NCK1: variants seen among roughly 807,000 people sequenced by gnomAD.
The protein encoded by NCK1 is SH2/SH3 adapter protein NCK1.
Under a neutral mutation model 36.6 loss-of-function variants are expected in NCK1, and 19 were observed. The observed-to-expected ratio is 0.52, with a 90% CI of 0.36 to 0.76. The LOEUF is 0.76. NCK1 is among the 30% of genes least tolerant of loss of function. NCK1 has a pLI of 0.00. For synonymous variants in NCK1, 165 were observed against 156.0 expected, an observed-to-expected ratio of 1.06 and a Z score of -0.43; for missense variants, 358 against 445.6, an observed-to-expected ratio of 0.80 and a Z score of 1.77.
At chr3:136,864,259 G>C (rs564166878) in intron 1 of NCK1, among the ~76,000 whole-genome samples, 1 of 150,754 alleles carries the variant, frequency 6.6e-6, no homozygotes, top group Non-Finnish European at 1.5e-5. Flanking sequence ...TTGGGAGGCC[G>C]AGGCAGGCGG....
intron 2 of NCK1, among the ~76,000 whole-genome samples, chr3:136,937,952 AG>A (rs35336033): frequency 0.69 from 104,408 of 151,964 alleles, 36,110 homozygotes; most frequent in East Asian, 0.87. Flanking sequence ...AAGTGGTGGA[AG>A]GAGAGCATCC....
At position 136,863,416 on chromosome 3, in the gene NCK1, A is replaced by G. The variant is rs1225348370; in HGVS notation, c.-19+1063A>G. ...ACACAGTAAACGGAGAAATAACCTA[A>G]GAAGAAAGTTTTGTTTGGTAATTGT... On this transcript the variant is annotated intron_variant, in intron 1 of 3. Transcript: ENST00000481752. Among the ~76,000 whole-genome samples the G allele has an allele frequency of 3.3e-5, 5 of 152,320 alleles. No homozygotes were observed. In the East Asian group the frequency reaches 9.6e-4, roughly 29 times the overall value.
chr3:136,910,257 C>A (rs1172050554), intron 1 of NCK1, among the ~76,000 whole-genome samples: 1 of 152,128 alleles, frequency 6.6e-6, no homozygotes, highest in Non-Finnish European at 1.5e-5. Context: ...TTACATTTAA[C>A]ATTCTGAAGA....
intron 2 of NCK1, chr3:136,930,450 A>C: frequency 8.0e-7 from 1 of 1,249,448 alleles, no homozygotes; most frequent in Admixed American, 4.1e-5. Context: ...GGGCCAGGTC[A>C]CATGGATTGG....
intron 1 of NCK1, among the ~76,000 whole-genome samples, chr3:136,878,854 C>T (rs1309013792): frequency 6.6e-6 from 1 of 152,066 alleles, no homozygotes; most frequent in Non-Finnish European, 1.5e-5. Flanking sequence ...GTCAAGCGTT[C>T]TACAGAAAAC....
chr3:136,941,499 G>T (rs1940676186), intron 2 of NCK1, among the ~76,000 whole-genome samples: 2 of 151,522 alleles, frequency 1.3e-5, no homozygotes, highest in Admixed American at 6.6e-5. Flanking sequence ...TTCCTTAGTG[G>T]TTACCCTGGG....
chr3:136,868,220 A>G (rs991230242), intron 1 of NCK1, among the ~76,000 whole-genome samples: 1 of 152,142 alleles, frequency 6.6e-6, no homozygotes, highest in African/African-American at 2.4e-5. Context: ...CCAGCCTTAC[A>G]TTGTAAATTA....
intron 1 of NCK1, among the ~76,000 whole-genome samples, chr3:136,926,176 C>G (rs1363725023): frequency 6.7e-6 from 1 of 149,644 alleles, no homozygotes; most frequent in African/African-American, 2.5e-5. Flanking sequence ...ATTTGTTTTT[C>G]TAATGTTTCT....
intron 1 of NCK1, among the ~76,000 whole-genome samples, chr3:136,914,932 A>G (rs1438237811): frequency 6.6e-6 from 1 of 152,084 alleles, no homozygotes; most frequent in Non-Finnish European, 1.5e-5. Context: ...GCCAGTTGTT[A>G]AAAAGAGCCT....
At chr3:136,902,044 A>G (rs1939553883) in intron 1 of NCK1, among the ~76,000 whole-genome samples, 1 of 151,894 alleles carries the variant, frequency 6.6e-6, no homozygotes, top group Non-Finnish European at 1.5e-5. Context: ...GATTTTCGGT[A>G]TGTTGTATTA....
intron 1 of NCK1, among the ~76,000 whole-genome samples, chr3:136,864,383 CG>C (rs1938349162): frequency 6.6e-6 from 1 of 151,790 alleles, no homozygotes. Context: ...CCCAGCTACT[CG>C]GGAGTCTGAG....
intron 1 of NCK1, among the ~76,000 whole-genome samples, chr3:136,893,197 C>CACACACACACACACACACCAT (rs1433214410): frequency 7.1e-4 from 84 of 118,192 alleles, no homozygotes; most frequent in African/African-American, 1.2e-3. Context: ...TATATACACA[C>CACACACACACACACACACCAT]ATGTGCAAGT....
intron 1 of NCK1, among the ~76,000 whole-genome samples, chr3:136,913,320 C>G (rs1390585048): frequency 6.6e-6 from 1 of 152,116 alleles, no homozygotes; most frequent in African/African-American, 2.4e-5. Context: ...CTTTGTCACC[C>G]AGGCTGGAGT....
chr3:136,875,649 A>G (rs1938745744), intron 1 of NCK1, among the ~76,000 whole-genome samples: 1 of 151,512 alleles, frequency 6.6e-6, no homozygotes, highest in South Asian at 2.1e-4. Flanking sequence ...CCAGATTCAT[A>G]AAGCAAGTCC....
chr3:136,888,622 T>C (rs1434871509), intron 1 of NCK1, among the ~76,000 whole-genome samples: 3 of 151,966 alleles, frequency 2.0e-5, no homozygotes, highest in Admixed American at 2.0e-4. Context: ...CAGGATGGTC[T>C]TGATCTCTTG....
At position 136,886,383 on chromosome 3, in the gene NCK1, T is replaced by G. The variant is rs138927326; in HGVS notation, c.-19+24030T>G. On this transcript the variant is annotated intron_variant, in intron 1 of 3. Coordinates refer to ENST00000481752, the MANE Select transcript of NCK1 (RefSeq NM_001291999.2). Reference sequence around the variant, plus strand: ...CTTGAGTCTCTTGTGTAAAATGGGGTACTATTTACATATAACCTATGCACA... The same window carrying G: ...CTTGAGTCTCTTGTGTAAAATGGGGGACTATTTACATATAACCTATGCACA... Among the ~76,000 whole-genome samples the G allele has an allele frequency of 4.9e-3, 739 of 152,262 alleles. 2 individuals carry two copies. Among genetic ancestry groups the G allele is most frequent in the Non-Finnish European group, 8.6e-3 (586 of 68,020 alleles).
intron 1 of NCK1, among the ~76,000 whole-genome samples, chr3:136,904,173 T>A (rs1939619458): frequency 6.6e-6 from 1 of 152,126 alleles, no homozygotes; most frequent in South Asian, 2.1e-4. Context: ...ATTATTTTTT[T>A]AGACAGTCTC....
At chr3:136,912,363 A>G (rs1027196403) in intron 1 of NCK1, among the ~76,000 whole-genome samples, 2 of 151,786 alleles carry the variant, frequency 1.3e-5, no homozygotes, top group African/African-American at 4.8e-5. Context: ...GGGTTTCGCC[A>G]CGTTTGGCCA....
chr3:136,944,347 TGA>T lies in NCK1; in HGVS notation c.227-1234_227-1233del, dbSNP rs545830165. Among the ~76,000 whole-genome samples the T allele has an allele frequency of 4.6e-5, 7 of 152,148 alleles. No homozygotes were observed. The South Asian group carries it at 1.5e-3, about 32-fold the overall frequency. ...TTTGGCCAGGATGGTCTCGATCTCTTGAGCTTGTGATCTGCCCGCCTCAGCCT... is the reference window on the plus strand; with the variant it reads ...TTTGGCCAGGATGGTCTCGATCTCTTGCTTGTGATCTGCCCGCCTCAGCCT... On this transcript the variant is annotated intron_variant, in intron 2 of 3. Transcript: ENST00000481752.
Sources: gnomAD v4.1 joint callset for allele counts (sites outside exome capture counted in the v4.1 genomes callset) on GRCh38, gnomAD v4.1.1 for gene constraint, MANE v1.5 for transcripts, NCBI Gene and HGNC (gene_info 2026-07-23, HGNC 2026-07-21) for gene names.